CIMIP6: variants seen among roughly 807,000 people sequenced by gnomAD.
CIMIP6 encodes uncharacterized protein C2orf73.
At chr2:54,347,547 A>C in the CIMIP6 span, among the ~76,000 whole-genome samples, 2 of 152,172 alleles carry the variant, frequency 1.3e-5, no homozygotes, top group South Asian at 4.1e-4. Flanking sequence ...TACTTCAGCT[A>C]CTCAAGTTGA....
the CIMIP6 span, among the ~76,000 whole-genome samples, chr2:54,375,885 G>GTGTGTGTGTGT: frequency 2.7e-4 from 40 of 150,238 alleles, 1 homozygote; most frequent in East Asian, 2.2e-3. Flanking sequence ...TCATATAGGG[G>GTGTGTGTGTGT]GTGTGTGTGT....
chr2:54,370,284 AAG>A, the CIMIP6 span, among the ~76,000 whole-genome samples: 8 of 152,214 alleles, frequency 5.3e-5, no homozygotes, highest in African/African-American at 1.9e-4. Context: ...AGACAAGAGA[AAG>A]AAAGAAAGTC....
chr2:54,366,896 A>G, the CIMIP6 span, among the ~76,000 whole-genome samples: 1 of 152,126 alleles, frequency 6.6e-6, no homozygotes, highest in Non-Finnish European at 1.5e-5. Flanking sequence ...TCTCAGTGCT[A>G]TATAAATATT....
chr2:54,362,769 A>G, the CIMIP6 span, among the ~76,000 whole-genome samples: 2 of 151,410 alleles, frequency 1.3e-5, no homozygotes, highest in East Asian at 3.9e-4. Flanking sequence ...CTGTTCTCAA[A>G]CTCCTGAGCT....
At chr2:54,351,468 T>C in the CIMIP6 span, among the ~76,000 whole-genome samples, 1 of 152,290 alleles carries the variant, frequency 6.6e-6, no homozygotes, top group South Asian at 2.1e-4. Flanking sequence ...GATCTGGTCC[T>C]TTGCAGGAAC....
At chr2:54,358,849 C>T in the CIMIP6 span, 1 of 526,346 alleles carries the variant, frequency 1.9e-6, no homozygotes. Flanking sequence ...AATAATCTTG[C>T]ATACTTCAAG....
At chr2:54,336,056 TCA>T in the CIMIP6 span, among the ~76,000 whole-genome samples, 5 of 152,264 alleles carry the variant, frequency 3.3e-5, no homozygotes, top group African/African-American at 1.2e-4. Context: ...AAGGTAACAT[TCA>T]CAGATTTGGG....
the CIMIP6 span, among the ~76,000 whole-genome samples, chr2:54,349,305 TG>T: frequency 6.6e-6 from 1 of 151,890 alleles, no homozygotes; most frequent in East Asian, 1.9e-4. Context: ...CTGAGAAGAG[TG>T]GGATTTAAGA....
the CIMIP6 span, among the ~76,000 whole-genome samples, chr2:54,358,549 A>C: frequency 6.6e-6 from 1 of 152,058 alleles, no homozygotes; most frequent in South Asian, 2.1e-4. Context: ...TTATAGGCAC[A>C]TGCCACCACG....
chr2:54,382,206 T>C, the CIMIP6 span, among the ~76,000 whole-genome samples: 1 of 152,212 alleles, frequency 6.6e-6, no homozygotes, highest in South Asian at 2.1e-4. Flanking sequence ...GGGTACTCAA[T>C]ACTACACAAT....
chr2:54,360,126 C>T, the CIMIP6 span: 1 of 1,455,020 alleles, frequency 6.9e-7, no homozygotes, highest in Non-Finnish European at 9.1e-7. Context: ...TGAGCTAACG[C>T]ACAAATTCAG....
the CIMIP6 span, among the ~76,000 whole-genome samples, chr2:54,357,927 A>T: frequency 4.4e-3 from 665 of 152,106 alleles, 7 homozygotes; most frequent in African/African-American, 0.015. Flanking sequence ...CCTTGATAGA[A>T]TTTTACTTCA....
the CIMIP6 span, among the ~76,000 whole-genome samples, chr2:54,357,262 G>A: frequency 6.6e-6 from 1 of 152,146 alleles, no homozygotes; most frequent in Admixed American, 6.5e-5. Context: ...AATAAAATTA[G>A]TTTATAACAA....
chr2:54,353,913 T>A, the CIMIP6 span, among the ~76,000 whole-genome samples: 1 of 152,188 alleles, frequency 6.6e-6, no homozygotes, highest in Non-Finnish European at 1.5e-5. Context: ...CTGGCTGTTT[T>A]AAGAAGGGTT....
At chr2:54,344,631 A>G in the CIMIP6 span, among the ~76,000 whole-genome samples, 2 of 152,138 alleles carry the variant, frequency 1.3e-5, no homozygotes, top group Non-Finnish European at 2.9e-5. Flanking sequence ...ACTCCACCCT[A>G]TCCCAACATT....
chr2:54,367,332 C>A, the CIMIP6 span, among the ~76,000 whole-genome samples: 1 of 151,980 alleles, frequency 6.6e-6, no homozygotes, highest in African/African-American at 2.4e-5. Flanking sequence ...ATAGTTTCTT[C>A]ATTTGGCAAA....
the CIMIP6 span, among the ~76,000 whole-genome samples, chr2:54,375,748 A>G: frequency 5.3e-5 from 8 of 152,358 alleles, no homozygotes; most frequent in East Asian, 1.2e-3. Context: ...CATCTGCACA[A>G]TGGAATTCTC....
At chr2:54,353,056 AC>A in the CIMIP6 span, among the ~76,000 whole-genome samples, 1 of 152,180 alleles carries the variant, frequency 6.6e-6, no homozygotes, top group African/African-American at 2.4e-5. Context: ...TACGCAGTTC[AC>A]TTACTAAAAC....
chr2:54,362,122 A>G, the CIMIP6 span, among the ~76,000 whole-genome samples: 2 of 152,202 alleles, frequency 1.3e-5, no homozygotes, highest in African/African-American at 4.8e-5. Context: ...CACAAAACCA[A>G]AAAATTCCTC....
Sources: gnomAD v4.1 joint callset for allele counts (sites outside exome capture counted in the v4.1 genomes callset) on GRCh38, gnomAD v4.1.1 for gene constraint, MANE v1.5 for transcripts, NCBI Gene and HGNC (gene_info 2026-07-23, HGNC 2026-07-21) for gene names.